The following PEAK1 variants were observed in gnomAD, a reference collection of about 807,000 sequenced individuals.
PEAK1 encodes the protein inactive tyrosine-protein kinase PEAK1.
Under a neutral mutation model 124.7 loss-of-function variants are expected in PEAK1, and 54 were observed. The ratio of observed to expected loss-of-function variants is 0.43; its 90% CI spans 0.35 to 0.54. The LOEUF is 0.54. Among genes scored for constraint, PEAK1 ranks in the 20% least tolerant of loss-of-function variants. PEAK1 has a pLI of 0.01. For missense variants in PEAK1, 2,046 were observed against 2,134.5 expected, an observed-to-expected ratio of 0.96 and a Z score of 0.82; for synonymous variants, 719 against 760.0, an observed-to-expected ratio of 0.95 and a Z score of 0.89.
chr15:77,343,976 G>C (rs1259473776), intron 2 of PEAK1, among the ~76,000 whole-genome samples: 2 of 152,046 alleles, frequency 1.3e-5, no homozygotes, highest in Admixed American at 6.6e-5. Flanking sequence ...TTTTCATATG[G>C]AAATATAGTT....
In PEAK1 at chr15:77,314,287, C is replaced by T. The variant is rs114349815; in HGVS notation, c.-602-27783G>A. 5.2e-3 allele frequency among the ~76,000 whole-genome samples: 790 copies of T among 151,992 alleles called. 8 individuals carry two copies. The highest frequency in any genetic ancestry group is 0.018 in the African/African-American group (760 of 41,472). On this transcript the variant is annotated intron_variant, in intron 2 of 9. Transcript: ENST00000682557. ...TCCTGTTCCAATGAAAAAAGTAAAACCTGATACGAAAAAAAAAAAATTCAG... is the reference window on the plus strand; with the variant it reads ...TCCTGTTCCAATGAAAAAAGTAAAATCTGATACGAAAAAAAAAAAATTCAG...
chr15:77,116,827 T>C (rs1490086265), intron 9 of PEAK1, among the ~76,000 whole-genome samples: 1 of 152,210 alleles, frequency 6.6e-6, no homozygotes, highest in Admixed American at 6.5e-5. Context: ...AAGTATTTCT[T>C]TTTTAAGCAA....
intron 2 of PEAK1, among the ~76,000 whole-genome samples, chr15:77,307,765 A>G (rs986547528): frequency 1.3e-5 from 2 of 152,074 alleles, no homozygotes; most frequent in Non-Finnish European, 2.9e-5. Context: ...AAGGGATACA[A>G]TTTGGAAAGG....
At chr15:77,345,956 G>C in intron 2 of PEAK1, 1 of 985,240 alleles carries the variant, frequency 1.0e-6, no homozygotes, top group Non-Finnish European at 1.2e-6. Flanking sequence ...CAATGGCAAA[G>C]GTCTATCATG....
chr15:77,348,140 C>T (rs1393985167), intron 2 of PEAK1: 4 of 974,806 alleles, frequency 4.1e-6, no homozygotes, highest in East Asian at 1.2e-4. Context: ...ACTTGCTCTA[C>T]ATGAGGTATA....
intron 1 of PEAK1, chr15:77,371,529 C>T (rs2068641465): frequency 1.2e-6 from 1 of 821,740 alleles, no homozygotes; most frequent in Admixed American, 6.2e-5. Context: ...CCACCACCAC[C>T]ACCACCACCA....
chr15:77,160,567 T>C (rs1167374300), intron 7 of PEAK1, among the ~76,000 whole-genome samples: 1 of 152,060 alleles, frequency 6.6e-6, no homozygotes, highest in Non-Finnish European at 1.5e-5. Flanking sequence ...TTTCAGCTAC[T>C]GGGGAGGCTG....
chr15:77,411,059 T>C (rs984387772), intron 1 of PEAK1, among the ~76,000 whole-genome samples: 1 of 152,198 alleles, frequency 6.6e-6, no homozygotes, highest in Non-Finnish European at 1.5e-5. Context: ...TTGTAATTAT[T>C]TTTAAAATTC....
rs948514794 is a variant in PEAK1, at chr15:77,114,933, C to T, written c.4464G>A (p.Leu1488=). 5 of 1,613,966 alleles carry T rather than the reference C, an allele frequency of 3.1e-6. No individual in the cohort carries two copies. In the African/African-American group the frequency reaches 4.0e-5, roughly 13 times the overall value. The change falls in exon 10 of 10, where the codon TTG becomes TTA. Residue 1488 remains leucine (L), a synonymous_variant. Coordinates refer to ENST00000682557, the MANE Select transcript of PEAK1 (RefSeq NM_001385026.1). ...SLAQHGKSPD[L]YERQVCLLLL... is the part of the protein sequence containing the mutation. The stretch of plus-strand genomic sequence containing the variant: ...GCAGCAGACACACCTGCCTCTCATA[C>T]AAATCAGGGCTTTTCCCATGCTGGG...
intron 7 of PEAK1, among the ~76,000 whole-genome samples, chr15:77,165,345 C>A (rs1043817586): frequency 4.6e-5 from 7 of 152,252 alleles, no homozygotes; most frequent in African/African-American, 1.7e-4. Context: ...CAGGTGCCTG[C>A]CACCATGCCC....
chr15:77,239,862 C>T, intron 6 of PEAK1: 1 of 984,720 alleles, frequency 1.0e-6, no homozygotes, highest in African/African-American at 1.7e-5. Flanking sequence ...TGCTCAATTC[C>T]ACATTTCCAA....
At chr15:77,373,170 T>TA (rs1277839165) in intron 1 of PEAK1, among the ~76,000 whole-genome samples, 2 of 152,080 alleles carry the variant, frequency 1.3e-5, no homozygotes, top group Admixed American at 6.5e-5. Flanking sequence ...CTCCTGCTCC[T>TA]AACTGTTGAT....
intron 2 of PEAK1, among the ~76,000 whole-genome samples, chr15:77,296,244 G>A (rs1249062351): frequency 6.6e-6 from 1 of 152,158 alleles, no homozygotes; most frequent in Non-Finnish European, 1.5e-5. Flanking sequence ...AATGGTAAAG[G>A]AGATTTGATT....
chr15:77,395,683 C>T (rs766392369), intron 1 of PEAK1, among the ~76,000 whole-genome samples: 1 of 151,702 alleles, frequency 6.6e-6, no homozygotes, highest in Non-Finnish European at 1.5e-5. Context: ...GAAAAAAAAA[C>T]CTTTATCCTA....
chr15:77,419,103 G>A, intron 1 of PEAK1: 1 of 985,390 alleles, frequency 1.0e-6, no homozygotes, highest in Non-Finnish European at 1.2e-6. Flanking sequence ...CTCAACGTCA[G>A]CCTTCCAATA....
chr15:77,401,864 G>A, intron 1 of PEAK1: 1 of 985,150 alleles, frequency 1.0e-6, no homozygotes, highest in Non-Finnish European at 1.2e-6. Flanking sequence ...TATTTTCTAT[G>A]CTAAGAATGG....
At position 77,133,463 on chromosome 15, in the gene PEAK1, G is replaced by A. The variant is rs754025843; in HGVS notation, c.3619C>T (p.Leu1207Phe). 1 of 1,614,242 alleles carries A rather than the reference G, an allele frequency of 6.2e-7. No individual in the cohort carries two copies. Among genetic ancestry groups the A allele is most frequent in the South Asian group, 1.1e-5 (1 of 91,088 alleles). ...TAAGACTCAATGTCCAGTCCTTTGA[G>A]TTCATAGCTGATGGAAGAACCAGCA... ...SSAGSSISYE[L>F]KGLDIESYDS... Residue 1207 changes from leucine to phenylalanine, a missense_variant, in exon 9 of 10, where the codon CTC becomes TTC. Transcript: ENST00000682557. This position sits in a 1 kb window ranked among gnomAD's most constrained non-coding sequence, Gnocchi z 4.2.
chr15:77,358,339 T>C (rs1016496348), intron 2 of PEAK1, among the ~76,000 whole-genome samples: 1 of 152,218 alleles, frequency 6.6e-6, no homozygotes, highest in Non-Finnish European at 1.5e-5. Context: ...GAGTAGTCTA[T>C]ACTCTTTGAT....
At chr15:77,335,185 C>T in intron 2 of PEAK1, 2 of 985,412 alleles carry the variant, frequency 2.0e-6, no homozygotes, top group Non-Finnish European at 2.4e-6. Flanking sequence ...GTTTACTGTC[C>T]CTCCCAACTT....
Sources: allele counts gnomAD v4.1 joint callset (sites outside exome capture counted in the v4.1 genomes callset), GRCh38; gene constraint gnomAD v4.1.1; non-coding constraint Gnocchi (gnomAD v3.1); transcripts MANE v1.5; gene names NCBI Gene and HGNC (gene_info 2026-07-23, HGNC 2026-07-21).